Variants in MDGA2 observed in about 807,000 individuals in gnomAD.
The protein encoded by MDGA2 is MAM domain containing glycosylphosphatidylinositol anchor 2, also known as MAM domain-containing glycosylphosphatidylinositol anchor protein 2.
A neutral mutation model predicts 117.8 loss-of-function variants in MDGA2; 40 were observed. The observed-to-expected ratio is 0.34, with a 90% CI of 0.26 to 0.44. The LOEUF is 0.44. Among genes scored for constraint, MDGA2 ranks in the 20% least tolerant of loss-of-function variants. The pLI, the probability that MDGA2 is intolerant of heterozygous loss-of-function variation, is 1.00. For synonymous variants in MDGA2, 452 were observed against 439.0 expected (o/e 1.03, Z -0.37); for missense variants, 1,123 against 1,250.6 (o/e 0.90, Z 1.54).
At chr14:46,937,227 C>A (rs547163279) in intron 9 of MDGA2, among the ~76,000 whole-genome samples, 86 of 138,574 alleles carry the variant, frequency 6.2e-4, no homozygotes, top group African/African-American at 1.3e-3. Flanking sequence ...CCCCCCAACA[C>A]AAATACCTGA....
intron 2 of MDGA2, among the ~76,000 whole-genome samples, chr14:47,251,931 G>GTATCATTAC (rs1555367010): frequency 2.7e-5 from 4 of 150,454 alleles, no homozygotes; most frequent in Admixed American, 2.7e-4. Flanking sequence ...GGTTTCTCTT[G>GTATCATTAC]TATTATTATT....
At chr14:47,003,052 G>A (rs1041699824) in intron 8 of MDGA2, among the ~76,000 whole-genome samples, 3 of 151,948 alleles carry the variant, frequency 2.0e-5, no homozygotes, top group Non-Finnish European at 2.9e-5. Context: ...CTCTCTCACC[G>A]TACATTAGTT....
At chr14:47,571,289 C>T (rs1347066463) in intron 1 of MDGA2, among the ~76,000 whole-genome samples, 2 of 152,190 alleles carry the variant, frequency 1.3e-5, no homozygotes, top group Admixed American at 6.5e-5. Flanking sequence ...AATAGGAATG[C>T]TTTTACACTG....
chr14:47,557,300 G>A (rs901391406), intron 1 of MDGA2, among the ~76,000 whole-genome samples: 7 of 152,146 alleles, frequency 4.6e-5, no homozygotes, highest in African/African-American at 7.2e-5. Flanking sequence ...GGATGGACAC[G>A]TTTTAGTATT....
chr14:46,862,375 TA>T, intron 14 of MDGA2, among the ~76,000 whole-genome samples: 1 of 150,294 alleles, frequency 6.7e-6, no homozygotes, highest in East Asian at 1.9e-4. Flanking sequence ...TTCATGGCAT[TA>T]TGCAATAGCC....
chr14:46,922,753 A>C (rs1478436569), intron 9 of MDGA2, among the ~76,000 whole-genome samples: 1 of 152,162 alleles, frequency 6.6e-6, no homozygotes, highest in Non-Finnish European at 1.5e-5. Context: ...AGATGTAAAA[A>C]CTTATCCTAA....
chr14:47,531,085 A>T (rs1035988283), intron 1 of MDGA2, among the ~76,000 whole-genome samples: 1 of 152,144 alleles, frequency 6.6e-6, no homozygotes, highest in Non-Finnish European at 1.5e-5. Context: ...CTCTACTAAA[A>T]ATACAAAAAG....
intron 3 of MDGA2, among the ~76,000 whole-genome samples, chr14:47,166,021 C>T (rs921238407): frequency 1.3e-4 from 20 of 148,154 alleles, no homozygotes; most frequent in Non-Finnish European, 2.2e-4. Flanking sequence ...ATTTTATAAG[C>T]AGCACTGTTT....
At position 46,957,441 on chromosome 14, in the gene MDGA2, G is replaced by A; in HGVS notation, c.2022C>T (p.Asn674=). Residue 674 remains asparagine (N), a synonymous_variant, in exon 9 of 17, where the codon AAC becomes AAT. Transcript: ENST00000399232. ...EYAVKSLSNE[N]YGVYNCSIIN... is the part of the protein sequence containing the mutation. Reference sequence around the variant, plus strand: ...TGATGCTACAGTTATAAACCCCATAGTTTTCATTGGAAAGACTCTTCACAG... The same window carrying A: ...TGATGCTACAGTTATAAACCCCATAATTTTCATTGGAAAGACTCTTCACAG... The A allele has an allele frequency of 6.2e-7, 1 of 1,614,112 alleles. No individual in the cohort carries two copies. The highest frequency in any genetic ancestry group is 8.5e-7 in the Non-Finnish European group (1 of 1,180,006).
At chr14:47,268,878 A>T (rs927356630) in intron 2 of MDGA2, among the ~76,000 whole-genome samples, 1 of 152,226 alleles carries the variant, frequency 6.6e-6, no homozygotes, top group Non-Finnish European at 1.5e-5. Context: ...ATGCTGCCAT[A>T]TGCAATAGAA....
At chr14:47,529,675 T>G (rs1895052783) in intron 1 of MDGA2, among the ~76,000 whole-genome samples, 1 of 152,210 alleles carries the variant, frequency 6.6e-6, no homozygotes, top group African/African-American at 2.4e-5. Context: ...CTTAAATTGC[T>G]GAATTATTTT....
chr14:47,515,734 C>T (rs762160533), intron 1 of MDGA2, among the ~76,000 whole-genome samples: 2 of 151,976 alleles, frequency 1.3e-5, no homozygotes, highest in Non-Finnish European at 2.9e-5. Flanking sequence ...TAAAAAAAGG[C>T]CCAACTTTGA....
rs547686786 is a variant in MDGA2, at chr14:47,574,960, A to G, written c.280+99557T>C. On this transcript the variant is annotated intron_variant, in intron 1 of 16. Coordinates refer to ENST00000399232, the MANE Select transcript of MDGA2 (RefSeq NM_001113498.3). ...CCTCTATCTTCTATCATTAAGGGGC[A>G]TAAGTGCATGAGTATACGTGGGTCT... Among the ~76,000 whole-genome samples, 3 of 152,294 alleles carry G rather than the reference A, an allele frequency of 2.0e-5. No homozygotes were observed. In the East Asian group the frequency reaches 5.8e-4, roughly 29 times the overall value.
chr14:47,161,854 T>C (rs118171964), intron 3 of MDGA2, among the ~76,000 whole-genome samples: 1,753 of 150,904 alleles, frequency 0.012, 21 homozygotes, highest in Non-Finnish European at 0.019. Context: ...AAGAATCTAA[T>C]TGGGTTCTTA....
At chr14:47,457,366 T>C (rs2138583752) in intron 1 of MDGA2, among the ~76,000 whole-genome samples, 2 of 152,312 alleles carry the variant, frequency 1.3e-5, no homozygotes, top group African/African-American at 2.4e-5. Flanking sequence ...TCTGCAAATA[T>C]TTAATAAATG....
intron 10 of MDGA2, among the ~76,000 whole-genome samples, chr14:46,890,368 G>A (rs1882834128): frequency 6.6e-6 from 1 of 152,036 alleles, no homozygotes; most frequent in South Asian, 2.1e-4. Context: ...AAATGCATTT[G>A]TTAATTTGCC....
rs375697706 is a variant in MDGA2, at chr14:47,386,282, AAAAG to A, written c.281-84736_281-84733del. Reference sequence around the variant, plus strand: ...GCAACAAGAGCAAAACTCCACCCAAAAAAGAAAGAAAGAAAAGAATAAAGTATAG... The same window carrying A: ...GCAACAAGAGCAAAACTCCACCCAAAAAAGAAAGAAAAGAATAAAGTATAG... On this transcript the variant is annotated intron_variant, in intron 1 of 16. Transcript: ENST00000399232. 3.9e-3 allele frequency among the ~76,000 whole-genome samples: 587 copies of A among 152,310 alleles called. 7 individuals are homozygous for A. Among genetic ancestry groups the A allele is most frequent in the African/African-American group, 0.013 (556 of 41,560 alleles).
chr14:46,966,470 A>G (rs748330226), intron 8 of MDGA2, among the ~76,000 whole-genome samples: 102 of 152,244 alleles, frequency 6.7e-4, no homozygotes, highest in Non-Finnish European at 1.2e-3. Context: ...ACAGCCTTGC[A>G]AAGGCAATGA....
intron 1 of MDGA2, among the ~76,000 whole-genome samples, chr14:47,610,996 T>G (rs1229002357): frequency 7.2e-5 from 11 of 152,082 alleles, no homozygotes; most frequent in African/African-American, 2.7e-4. Flanking sequence ...AGCATGGTAC[T>G]GGTATAAAAA....
Sources: allele counts gnomAD v4.1 joint callset (sites outside exome capture counted in the v4.1 genomes callset), GRCh38; gene constraint gnomAD v4.1.1; transcripts MANE v1.5; gene names NCBI Gene and HGNC (gene_info 2026-07-23, HGNC 2026-07-21).